TENM4: variants seen among roughly 807,000 people sequenced by gnomAD.
TENM4 encodes the protein teneurin-4.
A neutral mutation model predicts 243.3 loss-of-function variants in TENM4; 82 were observed. The ratio of observed to expected loss-of-function variants is 0.34; its 90% CI spans 0.28 to 0.40. The LOEUF is 0.40. Among genes scored for constraint, TENM4 ranks in the 10% least tolerant of loss-of-function variants. The pLI is 1.00. For missense variants in TENM4, 3,138 were observed against 3,673.3 expected, an observed-to-expected ratio of 0.85 and a Z score of 3.77; for synonymous variants, 1,412 against 1,456.3, an observed-to-expected ratio of 0.97 and a Z score of 0.69.
chr11:78,719,262 T>C (rs1565347587), intron 25 of TENM4, among the ~76,000 whole-genome samples: 1 of 152,200 alleles, frequency 6.6e-6, no homozygotes, highest in Non-Finnish European at 1.5e-5. Flanking sequence ...ATCTGTCTAC[T>C]GATGTAATCA....
chr11:78,891,215 A>T (rs1377572867), intron 8 of TENM4, 23 bp downstream of exon 8: 9 of 1,549,422 alleles, frequency 5.8e-6, no homozygotes, highest in Non-Finnish European at 7.0e-6. Flanking sequence ...ACACACAGAG[A>T]GGAGAATGGG....
At chr11:78,872,930 T>C (rs1591088134) in intron 9 of TENM4, among the ~76,000 whole-genome samples, 1 of 152,336 alleles carries the variant, frequency 6.6e-6, no homozygotes, top group Middle Eastern at 3.4e-3. Context: ...CTTTTCCCTT[T>C]GGATCATTCA....
At chr11:79,072,397 G>A (rs944681455) in intron 4 of TENM4, among the ~76,000 whole-genome samples, 7 of 152,048 alleles carry the variant, frequency 4.6e-5, no homozygotes, top group African/African-American at 1.2e-4. Context: ...TGAAACGGGA[G>A]GATAGCTTGG....
At chr11:79,314,950 A>G (rs577401305) in intron 1 of TENM4, among the ~76,000 whole-genome samples, 1 of 152,364 alleles carries the variant, frequency 6.6e-6, no homozygotes, top group Admixed American at 6.5e-5. Context: ...GGCCAAGAAC[A>G]GCTGGCTGAT....
At chr11:78,857,150 T>C (rs772875143) in intron 10 of TENM4, among the ~76,000 whole-genome samples, 1 of 152,180 alleles carries the variant, frequency 6.6e-6, no homozygotes, top group South Asian at 2.1e-4. Context: ...GGAGAGACTC[T>C]AGGGATGTTA....
At chr11:79,283,286 C>A (rs1590849914) in intron 2 of TENM4, among the ~76,000 whole-genome samples, 1 of 150,374 alleles carries the variant, frequency 6.7e-6, no homozygotes, top group African/African-American at 2.4e-5. Context: ...TAGAAAAATA[C>A]AAATTTTTAT....
chr11:79,427,831 G>A (rs191982830), intron 1 of TENM4, among the ~76,000 whole-genome samples: 56 of 152,302 alleles, frequency 3.7e-4, no homozygotes, highest in African/African-American at 1.3e-3. Context: ...TATAAAAGAA[G>A]CCTGGAGAGT....
intron 6 of TENM4, among the ~76,000 whole-genome samples, chr11:79,022,488 A>C (rs1038895452): frequency 6.6e-6 from 1 of 152,160 alleles, no homozygotes; most frequent in Non-Finnish European, 1.5e-5. Context: ...GGACCAGGGG[A>C]GAGCAGTCCG....
chr11:78,898,406 T>A lies in TENM4; in HGVS notation c.749+4862A>T, dbSNP rs78791061. Among the ~76,000 whole-genome samples, 1,324 of 152,336 alleles carry A rather than the reference T, an allele frequency of 8.7e-3. 39 individuals are homozygous for A. Among genetic ancestry groups the A allele is most frequent in the East Asian group, 0.082 (425 of 5,178 alleles). ...TCTCAATACAGACTGAGTTTGACAA[T>A]CAGGGAAGGGCCTGTGACTATTTCT... On this transcript the variant is annotated intron_variant, in intron 7 of 33. Transcript: ENST00000278550.
chr11:78,676,898 C>T (rs1858491787), intron 29 of TENM4, among the ~76,000 whole-genome samples: 1 of 152,158 alleles, frequency 6.6e-6, no homozygotes, highest in Non-Finnish European at 1.5e-5. Flanking sequence ...TAAAAGGCTA[C>T]ATATTGTCTG....
chr11:78,841,211 TG>T (rs1454290654), intron 12 of TENM4, among the ~76,000 whole-genome samples: 1 of 152,332 alleles, frequency 6.6e-6, no homozygotes, highest in African/African-American at 2.4e-5. Context: ...GAGGCACTGA[TG>T]GGTTATCTTT....
Position 79,011,733 on chromosome 11 carries a change from T to A in TENM4, c.493+53005A>T, listed in dbSNP as rs553150719. ...ACTGCCCCACCTGCTGGGAGAAACT[T>A]ATGGCCTGAAATAATGTAATTTAGA... On this transcript the variant is annotated intron_variant, in intron 6 of 33. Transcript: ENST00000278550. Among the ~76,000 whole-genome samples, 3 of 152,340 alleles carry A rather than the reference T, an allele frequency of 2.0e-5. No homozygotes were observed. The East Asian group carries it at 5.8e-4, about 29-fold the overall frequency.
At chr11:79,424,987 G>GCC (rs1466437290) in intron 1 of TENM4, among the ~76,000 whole-genome samples, 2 of 152,162 alleles carry the variant, frequency 1.3e-5, no homozygotes, top group African/African-American at 4.8e-5. Flanking sequence ...TGGTCTAGTT[G>GCC]TGGCTCAGCC....
At chr11:78,953,918 C>T (rs2136502592) in intron 6 of TENM4, among the ~76,000 whole-genome samples, 1 of 152,326 alleles carries the variant, frequency 6.6e-6, no homozygotes, top group South Asian at 2.1e-4. Context: ...ACAGCACAGA[C>T]CTGTAAACCT....
At chr11:78,932,793 C>T (rs367917562) in intron 6 of TENM4, among the ~76,000 whole-genome samples, 174 of 152,230 alleles carry the variant, frequency 1.1e-3, no homozygotes, top group African/African-American at 4.1e-3. Context: ...ACAGATCCCT[C>T]GCATGCGCAG....
rs1422888637 is a variant in TENM4 at position 78,701,884 on chromosome 11, C to T, written c.4729G>A (p.Glu1577Lys). Residue 1577 changes from glutamate to lysine, a missense_variant, in exon 28 of 34, where the codon GAG becomes AAG. Coordinates refer to ENST00000278550, the MANE Select transcript of TENM4 (RefSeq NM_001098816.3). ...TCCTGGTCAATTGGTGAAGACAGCT[C>T]ATACATGTTCTGGGTGTTGAGGAAA... ...KPFLNTQNMY[E>K]LSSPIDQELY... 6.2e-7 allele frequency: 1 copy of T among 1,614,002 alleles called. No individual in the cohort carries two copies. Among genetic ancestry groups the T allele is most frequent in the Admixed American group, 1.7e-5 (1 of 60,020 alleles).
At chr11:78,706,987 TC>T (rs1338806474) in intron 27 of TENM4, among the ~76,000 whole-genome samples, 4 of 151,952 alleles carry the variant, frequency 2.6e-5, no homozygotes, top group Non-Finnish European at 5.9e-5. Flanking sequence ...AGGGAAACCA[TC>T]CCAGCATGCG....
intron 1 of TENM4, among the ~76,000 whole-genome samples, chr11:79,395,752 AAC>A (rs1212713953): frequency 6.6e-6 from 1 of 152,228 alleles, no homozygotes; most frequent in Admixed American, 6.5e-5. Context: ...ATAACTGGAT[AAC>A]ACAGGCCTTG....
At chr11:79,236,423 G>A (rs900130624) in intron 2 of TENM4, among the ~76,000 whole-genome samples, 2 of 152,106 alleles carry the variant, frequency 1.3e-5, no homozygotes, top group Admixed American at 1.3e-4. Context: ...ACTACCTTCT[G>A]CAGGGTTATT....
Sources: allele counts gnomAD v4.1 joint callset (sites outside exome capture counted in the v4.1 genomes callset), GRCh38; gene constraint gnomAD v4.1.1; transcripts MANE v1.5; gene names NCBI Gene and HGNC (gene_info 2026-07-23, HGNC 2026-07-21).